Variants in SYT10 observed in about 807,000 individuals in gnomAD.
The protein encoded by SYT10 is synaptotagmin 10.
Under a neutral mutation model 51.1 loss-of-function variants are expected in SYT10, and 31 were observed. The ratio of observed to expected loss-of-function variants is 0.61; its 90% CI spans 0.46 to 0.82. The LOEUF is 0.82. Among genes scored for constraint, SYT10 ranks in the 40% least tolerant of loss-of-function variants. The pLI is 0.00. For missense variants in SYT10, 603 were observed against 634.0 expected, an observed-to-expected ratio of 0.95 and a Z score of 0.53; for synonymous variants, 233 against 225.9, an observed-to-expected ratio of 1.03 and a Z score of -0.28.
intron 2 of SYT10, among the ~76,000 whole-genome samples, chr12:33,421,127 T>C (rs1457406505): frequency 1.3e-5 from 2 of 152,182 alleles, no homozygotes; most frequent in African/African-American, 4.8e-5. Context: ...TATGTATTTT[T>C]ACATAATTCT....
At chr12:33,392,302 T>G (rs1026845462) in intron 3 of SYT10, among the ~76,000 whole-genome samples, 1 of 152,218 alleles carries the variant, frequency 6.6e-6, no homozygotes, top group African/African-American at 2.4e-5. Flanking sequence ...GTCTACTGAC[T>G]CTAGATGGCA....
chr12:33,377,590 T>A (rs1275706784), intron 6 of SYT10, among the ~76,000 whole-genome samples: 1 of 151,800 alleles, frequency 6.6e-6, no homozygotes, highest in Non-Finnish European at 1.5e-5. Context: ...AAACAAATGA[T>A]TATCTAGATA....
chr12:33,426,073 C>G, intron 2 of SYT10, 65 bp downstream of exon 2: 1 of 1,395,886 alleles, frequency 7.2e-7, no homozygotes, highest in Non-Finnish European at 9.6e-7. Context: ...CACACACACA[C>G]ACACACACAC....
chr12:33,411,333 T>C (rs2138419542), intron 2 of SYT10, among the ~76,000 whole-genome samples: 1 of 152,254 alleles, frequency 6.6e-6, no homozygotes, highest in Middle Eastern at 3.4e-3. Context: ...TTGGTTAAGA[T>C]AGCTTGATAT....
chr12:33,429,701 A>C (rs554683982), intron 1 of SYT10, among the ~76,000 whole-genome samples: 1 of 152,304 alleles, frequency 6.6e-6, no homozygotes, highest in Admixed American at 6.5e-5. Flanking sequence ...TTCAGAGATA[A>C]ATAAAAAGTT....
rs57904423 is a variant in SYT10 at position 33,394,981 on chromosome 12, G to C, written c.1078-9690C>G. Among the ~76,000 whole-genome samples the C allele has an allele frequency of 2.6e-4, 39 of 152,242 alleles. No homozygotes were observed. The South Asian group carries it at 7.7e-3, about 30-fold the overall frequency. Reference sequence around the variant, plus strand: ...TGGGTGCCTGTAGTCCCAGGTACTCGGGAGGCTGAGGCAGGAGAACGGCGT... The same window carrying C: ...TGGGTGCCTGTAGTCCCAGGTACTCCGGAGGCTGAGGCAGGAGAACGGCGT... On this transcript the variant is annotated intron_variant, in intron 3 of 6. Transcript: ENST00000228567.
At chr12:33,383,362 TAC>T (rs1866132304) in intron 4 of SYT10, among the ~76,000 whole-genome samples, 1 of 152,176 alleles carries the variant, frequency 6.6e-6, no homozygotes, top group South Asian at 2.1e-4. Flanking sequence ...TCCATAGTAT[TAC>T]ATTTTATTTC....
intron 2 of SYT10, among the ~76,000 whole-genome samples, chr12:33,425,474 C>T (rs1387492861): frequency 6.6e-6 from 1 of 152,122 alleles, no homozygotes; most frequent in Non-Finnish European, 1.5e-5. Flanking sequence ...CTTTCCCAGG[C>T]TGAGTTAAAA....
chr12:33,383,246 A>T (rs1488763904), intron 4 of SYT10, among the ~76,000 whole-genome samples: 1 of 152,130 alleles, frequency 6.6e-6, no homozygotes, highest in Admixed American at 6.5e-5. Flanking sequence ...TGATACTGAC[A>T]TTGGGTTGAG....
At chr12:33,437,128 T>C (rs1803514785) in intron 1 of SYT10, among the ~76,000 whole-genome samples, 2 of 152,344 alleles carry the variant, frequency 1.3e-5, no homozygotes, top group South Asian at 4.1e-4. Context: ...TAAAGTATTT[T>C]ACTTCTAACT....
chr12:33,398,529 C>A (rs1376936450), intron 3 of SYT10, among the ~76,000 whole-genome samples: 1 of 151,802 alleles, frequency 6.6e-6, no homozygotes, highest in Non-Finnish European at 1.5e-5. Context: ...AACAAACAAA[C>A]AAAAAGCAAT....
chr12:33,435,544 C>A (rs755208084), intron 1 of SYT10, among the ~76,000 whole-genome samples: 1 of 152,190 alleles, frequency 6.6e-6, no homozygotes, highest in African/African-American at 2.4e-5. Context: ...TCTGAATTCA[C>A]TGTGGCTCCA....
intron 2 of SYT10, among the ~76,000 whole-genome samples, chr12:33,419,753 G>A (rs1866485313): frequency 2.0e-5 from 3 of 152,126 alleles, no homozygotes; most frequent in South Asian, 4.1e-4. Context: ...TTAAATGAAT[G>A]TATATGAAGT....
intron 3 of SYT10, among the ~76,000 whole-genome samples, chr12:33,398,030 G>A (rs1013664388): frequency 3.8e-4 from 58 of 152,088 alleles, no homozygotes; most frequent in African/African-American, 1.4e-3. Context: ...GAAATCGGAA[G>A]GGATGGGAAG....
chr12:33,417,611 G>C (rs76299674), intron 2 of SYT10, among the ~76,000 whole-genome samples: 4,043 of 152,346 alleles, frequency 0.027, 186 homozygotes, highest in African/African-American at 0.091. Context: ...ACAGATTGCT[G>C]TGCAGCATTA....
At chr12:33,418,189 C>T (rs973161627) in intron 2 of SYT10, among the ~76,000 whole-genome samples, 3 of 152,042 alleles carry the variant, frequency 2.0e-5, no homozygotes, top group African/African-American at 2.4e-5. Flanking sequence ...TCATCCCACC[C>T]GGGCTTAGCA....
chr12:33,385,501 A>G (rs1373417776), intron 3 of SYT10, among the ~76,000 whole-genome samples: 2 of 152,228 alleles, frequency 1.3e-5, no homozygotes, highest in Non-Finnish European at 2.9e-5. Context: ...TTACAACAAG[A>G]ATCTCAAACA....
Position 33,428,907 on chromosome 12 carries a change from G to GAAA in SYT10, c.152-2415_152-2413dup, listed in dbSNP as rs142029382. ...GGTGACAGAGTGAGACTCTGCTTCA[G>GAAA]AAAAAAAAAAAAAAAAAGACTGGCA... On this transcript the variant is annotated intron_variant, in intron 1 of 6. Coordinates refer to ENST00000228567, the MANE Select transcript of SYT10 (RefSeq NM_198992.4). 3.8e-3 allele frequency among the ~76,000 whole-genome samples: 367 copies of GAAA among 95,418 alleles called. 4 individuals are homozygous for GAAA. Among genetic ancestry groups the GAAA allele is most frequent in the African/African-American group, 0.012 (348 of 29,476 alleles). The allele number at this position is 95,418 out of a possible 152,430, so 62.6% of individuals were successfully genotyped here.
At chr12:33,388,345 T>C (rs1352827476) in intron 3 of SYT10, among the ~76,000 whole-genome samples, 2 of 152,200 alleles carry the variant, frequency 1.3e-5, no homozygotes, top group Non-Finnish European at 2.9e-5. Flanking sequence ...CTTTCAGGAT[T>C]ATTTTTATCC....
Sources: allele counts gnomAD v4.1 joint callset (sites outside exome capture counted in the v4.1 genomes callset), GRCh38; gene constraint gnomAD v4.1.1; transcripts MANE v1.5; gene names NCBI Gene and HGNC (gene_info 2026-07-23, HGNC 2026-07-21).